Variants in MKRN1 observed in about 807,000 individuals in gnomAD.
MKRN1 encodes E3 ubiquitin-protein ligase makorin-1.
A neutral mutation model predicts 55.5 loss-of-function variants in MKRN1; 9 were observed. The observed-to-expected ratio is 0.16, with a 90% confidence interval of 0.10 to 0.28. The LOEUF is 0.28. MKRN1 is among the 10% of genes least tolerant of loss of function. MKRN1 has a pLI of 1.00. For synonymous variants in MKRN1, 253 were observed against 235.9 expected (o/e 1.07, Z -0.66); for missense variants, 488 against 626.7 (o/e 0.78, Z 2.36).
intron 2 of MKRN1, among the ~76,000 whole-genome samples, chr7:140,469,408 G>A (rs7787217): frequency 0.27 from 40,871 of 151,938 alleles, 9,353 homozygotes; most frequent in African/African-American, 0.63. Flanking sequence ...TCTTTGATAT[G>A]CCTTCCTTCA....
chr7:140,455,006 T>C, intron 7 of MKRN1, 89 bp downstream of exon 7: 1 of 1,540,236 alleles, frequency 6.5e-7, no homozygotes, highest in Non-Finnish European at 8.8e-7. Flanking sequence ...GACCTGAGCG[T>C]TAACCTTCTC....
At chr7:140,475,074 G>A (rs1795080838) in intron 1 of MKRN1, 2 of 277,820 alleles carry the variant, frequency 7.2e-6, no homozygotes, top group African/African-American at 2.4e-5. Flanking sequence ...AGGTACGGGG[G>A]CTCATGCCTG....
At position 140,454,285 on chromosome 7, in the gene MKRN1, TTACAAAAAAC is replaced by T; in HGVS notation, c.*222_*231del. On this transcript the variant is annotated 3_prime_UTR_variant, in exon 8 of 8. Coordinates refer to ENST00000255977, the MANE Select transcript of MKRN1 (RefSeq NM_013446.4). ...TAACTGTCTGACAGTTAAATTCGTG[TTACAAAAAAC>T]TAACTTTAAGATTTATTTTTGTAAC... 1 of 554,178 alleles carries T rather than the reference TTACAAAAAAC, an allele frequency of 1.8e-6. No homozygotes were observed. Among genetic ancestry groups the T allele is most frequent in the Non-Finnish European group, 3.2e-6 (1 of 308,718 alleles). 34.3% of individuals were successfully genotyped at this position (554,178 alleles called of 1,614,324 possible). A position where few individuals can be genotyped will look rare whatever the true frequency, so the allele number is the denominator to read the frequency against.
chr7:140,454,448 T>G lies in MKRN1; in HGVS notation c.*69A>C. 2 of 1,474,136 alleles carry G rather than the reference T, an allele frequency of 1.4e-6. No homozygotes were observed. Among genetic ancestry groups the G allele is most frequent in the South Asian group, 2.4e-5 (2 of 84,130 alleles). 91.3% of individuals were successfully genotyped at this position (1,474,136 alleles called of 1,614,324 possible). On this transcript the variant is annotated 3_prime_UTR_variant, in exon 8 of 8. Coordinates refer to ENST00000255977, the MANE Select transcript of MKRN1 (RefSeq NM_013446.4). ...CCTGCCTAGGAGAGAACACAGGCAC[T>G]GCCACACCACCACAGGGGACAGCTG...
intron 4 of MKRN1, among the ~76,000 whole-genome samples, chr7:140,458,099 G>T (rs1442859797): frequency 1.3e-5 from 2 of 152,208 alleles, no homozygotes; most frequent in Admixed American, 1.3e-4. Flanking sequence ...TGCAGCCACT[G>T]TGGAAAAGTA....
At position 140,479,422 on chromosome 7, in the gene MKRN1, G is replaced by A. The variant is rs1307451524; in HGVS notation, c.-78C>T. ...CCGGTCCGGCTGCGGGGAGAGGACG[G>A]CGAGGCCAGGCGAGGGGAGGGGAAG... On this transcript the variant is annotated 5_prime_UTR_variant, in exon 1 of 8. Coordinates refer to ENST00000255977, the MANE Select transcript of MKRN1 (RefSeq NM_013446.4). The A allele has an allele frequency of 4.9e-6, 6 of 1,236,264 alleles. No homozygotes were observed. Among genetic ancestry groups the A allele is most frequent in the Admixed American group, 4.2e-5 (1 of 23,656 alleles). The allele number at this position is 1,236,264 out of a possible 1,614,324, so 76.6% of individuals were successfully genotyped here.
At chr7:140,477,176 G>C (rs59923382) in intron 1 of MKRN1, among the ~76,000 whole-genome samples, 5,100 of 150,840 alleles carry the variant, frequency 0.034, 294 homozygotes, top group African/African-American at 0.12. Flanking sequence ...AGATCATGTT[G>C]GTACCTAGAA....
chr7:140,459,286 T>A, intron 3 of MKRN1, 53 bp from the exon 4 acceptor site: 1 of 1,557,566 alleles, frequency 6.4e-7, no homozygotes, highest in Non-Finnish European at 8.8e-7. Flanking sequence ...GCATGAACTA[T>A]AAGAGAACTG....
chr7:140,470,125 G>T lies in MKRN1; in HGVS notation c.314+1758C>A, dbSNP rs565877174. Reference sequence around the variant, plus strand: ...AATCCTAGCTACTCTGGAGGCCAAGGCAGGAGAATCTCTCGAACGCGGGAG... The same window carrying T: ...AATCCTAGCTACTCTGGAGGCCAAGTCAGGAGAATCTCTCGAACGCGGGAG... On this transcript the variant is annotated intron_variant, in intron 2 of 7. Coordinates refer to ENST00000255977, the MANE Select transcript of MKRN1 (RefSeq NM_013446.4). Among the ~76,000 whole-genome samples the T allele has an allele frequency of 5.4e-3, 817 of 151,166 alleles. 6 individuals carry two copies. The highest frequency in any genetic ancestry group is 0.018 in the African/African-American group (735 of 41,266).
At chr7:140,472,883 C>A (rs1189288015) in intron 1 of MKRN1, among the ~76,000 whole-genome samples, 1 of 151,012 alleles carries the variant, frequency 6.6e-6, no homozygotes, top group African/African-American at 2.4e-5. Context: ...TTTGGGAGGC[C>A]AAGGCGGATG....
At chr7:140,472,112 A>C in intron 1 of MKRN1, 101 bp from the exon 2 acceptor site, 1 of 1,476,480 alleles carries the variant, frequency 6.8e-7, no homozygotes, top group Non-Finnish European at 9.2e-7. Flanking sequence ...TAAATACACA[A>C]ACATACGAAA....
intron 2 of MKRN1, among the ~76,000 whole-genome samples, chr7:140,469,402 T>C (rs1191606502): frequency 6.6e-6 from 1 of 152,196 alleles, no homozygotes; most frequent in Admixed American, 6.6e-5. Flanking sequence ...CAAAACTCTT[T>C]GATATGCCTT....
chr7:140,463,943 G>C (rs1009115107), intron 2 of MKRN1, among the ~76,000 whole-genome samples: 2 of 151,808 alleles, frequency 1.3e-5, no homozygotes, highest in Non-Finnish European at 2.9e-5. Flanking sequence ...TTTTACTTTT[G>C]TTTTGTTTTT....
rs931152624 is a variant in MKRN1, at chr7:140,479,291, C to G, written c.54G>C (p.Ala18=). 3.6e-6 allele frequency: 5 copies of G among 1,385,660 alleles called. No individual in the cohort carries two copies. Among genetic ancestry groups the G allele is most frequent in the African/African-American group, 1.5e-5 (1 of 65,536 alleles). The allele number at this position is 1,385,660 out of a possible 1,614,324, so 85.8% of individuals were successfully genotyped here. A position where few individuals can be genotyped will look rare whatever the true frequency, so the allele number is the denominator to read the frequency against. ...AGGCTGCTGCCGCCGTCGCCGCTGC[C>G]GCTCCTGCTCCTGATGTTGTGGCTG... is the stretch of plus-strand genomic sequence containing the variant. ...GTTATTSGAG[A]AAATAAAASP... Residue 18 remains alanine (A), a synonymous_variant, in exon 1 of 8, where the codon GCG becomes GCC. Transcript: ENST00000255977.
chr7:140,455,614 G>C (rs1563085647), intron 6 of MKRN1, 176 bp downstream of exon 6: 3 of 598,214 alleles, frequency 5.0e-6, no homozygotes, highest in Non-Finnish European at 8.8e-6. Flanking sequence ...GGACCCCAAG[G>C]ACTGTGTTAT....
intron 6 of MKRN1, chr7:140,455,569 A>C: frequency 1.8e-6 from 1 of 567,060 alleles, no homozygotes; most frequent in Non-Finnish European, 3.1e-6. Context: ...ACTTGTCAAC[A>C]GTAGAGACCT....
chr7:140,476,040 T>C (rs1282583024), intron 1 of MKRN1, among the ~76,000 whole-genome samples: 1 of 152,072 alleles, frequency 6.6e-6, no homozygotes, highest in Non-Finnish European at 1.5e-5. Context: ...AAAATACAGG[T>C]GATTCCGAGC....
chr7:140,462,273 C>G (rs1794643141), intron 2 of MKRN1, among the ~76,000 whole-genome samples: 1 of 152,140 alleles, frequency 6.6e-6, no homozygotes, highest in Non-Finnish European at 1.5e-5. Context: ...AAGCAAGCCT[C>G]CTGCCTTAGC....
intron 2 of MKRN1, among the ~76,000 whole-genome samples, chr7:140,468,679 G>A (rs1019903155): frequency 3.0e-5 from 3 of 99,484 alleles, no homozygotes; most frequent in East Asian, 3.2e-4. Context: ...CCAACCTGGC[G>A]ACAGACTGAG....
Sources: gnomAD v4.1 joint callset for allele counts (sites outside exome capture counted in the v4.1 genomes callset) on GRCh38, gnomAD v4.1.1 for gene constraint, MANE v1.5 for transcripts, NCBI Gene and HGNC (gene_info 2026-07-23, HGNC 2026-07-21) for gene names.